Variants in CTNNA3 observed in about 807,000 individuals in gnomAD.
CTNNA3 encodes catenin alpha-3.
A neutral mutation model predicts 95.7 loss-of-function variants in CTNNA3; 76 were observed. That is an observed-to-expected ratio of 0.79 (90% CI 0.66 to 0.96). The LOEUF (loss-of-function observed/expected upper bound fraction) is 0.96, where lower values mean the gene tolerates loss of function less well. Ranked by LOEUF, CTNNA3 falls within the 40% of genes least tolerant of loss-of-function variation. The pLI is 0.00. For missense variants in CTNNA3, 1,191 were observed against 1,089.8 expected (o/e 1.09, Z -1.31); for synonymous variants, 431 against 374.4 (o/e 1.15, Z -1.74).
chr10:67,107,811 A>C (rs1003211601), intron 7 of CTNNA3, among the ~76,000 whole-genome samples: 1 of 152,066 alleles, frequency 6.6e-6, no homozygotes, highest in Non-Finnish European at 1.5e-5. Context: ...GGGTGCAGTC[A>C]CACAGAGGTT....
chr10:67,335,043 TAC>T (rs1375178049), intron 5 of CTNNA3, among the ~76,000 whole-genome samples: 3 of 151,842 alleles, frequency 2.0e-5, no homozygotes, highest in Non-Finnish European at 4.4e-5. Context: ...CACACACATA[TAC>T]ACACACACAT....
intron 13 of CTNNA3, among the ~76,000 whole-genome samples, chr10:66,251,393 T>G (rs544592978): frequency 6.6e-6 from 1 of 152,276 alleles, no homozygotes; most frequent in African/African-American, 2.4e-5. Flanking sequence ...TGATTTTGCT[T>G]TGTTAGGATG....
At chr10:67,381,189 A>C (rs1479631892) in intron 5 of CTNNA3, among the ~76,000 whole-genome samples, 1 of 152,212 alleles carries the variant, frequency 6.6e-6, no homozygotes, top group Non-Finnish European at 1.5e-5. Context: ...AAACACTGAA[A>C]AGTCAAGGGG....
At chr10:67,193,106 A>G (rs1460835806) in intron 6 of CTNNA3, among the ~76,000 whole-genome samples, 1 of 151,946 alleles carries the variant, frequency 6.6e-6, no homozygotes. Context: ...GCCACAGATG[A>G]GAGGGTGTGG....
intron 7 of CTNNA3, among the ~76,000 whole-genome samples, chr10:67,025,754 T>C (rs1035588428): frequency 1.4e-4 from 22 of 152,134 alleles, no homozygotes; most frequent in Non-Finnish European, 3.1e-4. Context: ...CCCATTAACA[T>C]ATGTTCTTAA....
chr10:66,857,387 TA>T (rs35865615), intron 7 of CTNNA3, among the ~76,000 whole-genome samples: 18,496 of 134,112 alleles, frequency 0.14, 1,351 homozygotes, highest in African/African-American at 0.22. Context: ...CTATTTGGAC[TA>T]ATTTTTTTTT....
chr10:67,008,560 A>G (rs758210474), intron 7 of CTNNA3, among the ~76,000 whole-genome samples: 7 of 152,144 alleles, frequency 4.6e-5, no homozygotes, highest in Non-Finnish European at 7.3e-5. Context: ...TAGCAAGGCA[A>G]TTCTCATCGG....
intron 13 of CTNNA3, among the ~76,000 whole-genome samples, chr10:66,268,203 G>C (rs2091200738): frequency 6.6e-6 from 1 of 151,968 alleles, no homozygotes; most frequent in Non-Finnish European, 1.5e-5. Flanking sequence ...CATCTCACAT[G>C]CTCCTTTTGA....
intron 5 of CTNNA3, among the ~76,000 whole-genome samples, chr10:67,242,833 G>T (rs1055156333): frequency 6.6e-6 from 1 of 152,218 alleles, no homozygotes; most frequent in African/African-American, 2.4e-5. Flanking sequence ...TTTGAGGTTA[G>T]AATCCCAGTG....
intron 11 of CTNNA3, among the ~76,000 whole-genome samples, chr10:66,481,367 A>G (rs769435688): frequency 6.6e-6 from 1 of 151,796 alleles, no homozygotes; most frequent in Non-Finnish European, 1.5e-5. Context: ...TTATTCATCC[A>G]TTCATTCAAC....
At chr10:66,068,278 C>A (rs2080356899) in intron 15 of CTNNA3, among the ~76,000 whole-genome samples, 2 of 152,140 alleles carry the variant, frequency 1.3e-5, no homozygotes, top group East Asian at 3.9e-4. Context: ...TTTATGTCTG[C>A]AAGTATTCTT....
intron 7 of CTNNA3, among the ~76,000 whole-genome samples, chr10:66,895,390 T>G (rs893415124): frequency 1.3e-5 from 2 of 152,174 alleles, no homozygotes; most frequent in African/African-American, 4.8e-5. Flanking sequence ...CTCAAACTTT[T>G]ATGAAGTAGA....
At chr10:67,390,962 A>G (rs553217937) in intron 5 of CTNNA3, among the ~76,000 whole-genome samples, 5 of 152,342 alleles carry the variant, frequency 3.3e-5, no homozygotes, top group South Asian at 4.1e-4. Context: ...CTGAATGGGC[A>G]AAAACCAGAA....
chr10:66,220,844 A>G (rs75526219), intron 13 of CTNNA3, among the ~76,000 whole-genome samples: 5,192 of 152,182 alleles, frequency 0.034, 212 homozygotes, highest in African/African-American at 0.1. Context: ...TCTCTGCCAC[A>G]TGCTGCCAGT....
chr10:67,539,762 A>C, intron 3 of CTNNA3, 93 bp from the exon 4 acceptor site: 1 of 1,078,328 alleles, frequency 9.3e-7, no homozygotes, highest in Non-Finnish European at 1.3e-6. Flanking sequence ...GTAAATTCCA[A>C]GACTAAGCAT....
chr10:67,237,388 G>A (rs1380479818), intron 5 of CTNNA3, among the ~76,000 whole-genome samples: 1 of 150,980 alleles, frequency 6.6e-6, no homozygotes, highest in Non-Finnish European at 1.5e-5. Context: ...GGGTGGGGAG[G>A]TGTGGAATTG....
chr10:67,334,707 T>C (rs1310915348), intron 5 of CTNNA3: 1 of 152,892 alleles, frequency 6.5e-6, no homozygotes, highest in Non-Finnish European at 1.5e-5. Flanking sequence ...TTCACACATG[T>C]TAACTCAGAA....
At chr10:67,361,666 A>G (rs932316477) in intron 5 of CTNNA3, among the ~76,000 whole-genome samples, 2 of 152,188 alleles carry the variant, frequency 1.3e-5, no homozygotes, top group African/African-American at 4.8e-5. Flanking sequence ...CTACATCAAA[A>G]AGTCAGAAAG....
At chr10:65,920,718 C>T in intron 17 of CTNNA3, 101 bp from the exon 18 acceptor site, 1 of 1,303,516 alleles carries the variant, frequency 7.7e-7, no homozygotes, top group Non-Finnish European at 1.1e-6. Context: ...CCCAGCTACT[C>T]AGGAGGCTGA....
Sources: gnomAD v4.1 joint callset for allele counts (sites outside exome capture counted in the v4.1 genomes callset) on GRCh38, gnomAD v4.1.1 for gene constraint, MANE v1.5 for transcripts, NCBI Gene and HGNC (gene_info 2026-07-23, HGNC 2026-07-21) for gene names.